The following NSF variants were observed in gnomAD, a reference collection of about 807,000 sequenced individuals.
NSF encodes the protein vesicle-fusing ATPase.
NSF carries 14 observed loss-of-function variants against 50.3 expected under a neutral mutation model. The ratio of observed to expected loss-of-function variants is 0.28; its 90% confidence interval spans 0.18 to 0.44. The LOEUF (loss-of-function observed/expected upper bound fraction) is 0.44, where lower values mean the gene tolerates loss of function less well. NSF is among the 20% of genes least tolerant of loss of function. The pLI is 1.00. For missense variants in NSF, 218 were observed against 504.3 expected, an observed-to-expected ratio of 0.43 and a Z score of 5.44; for synonymous variants, 109 against 175.7, an observed-to-expected ratio of 0.62 and a Z score of 3.00.
At chr17:46,718,171 A>C (rs529889141) in intron 15 of NSF, among the ~76,000 whole-genome samples, 1 of 152,228 alleles carries the variant, frequency 6.6e-6, no homozygotes, top group South Asian at 2.1e-4. Flanking sequence ...GTCTCCAGAG[A>C]ACCTTGGTGT....
chr17:46,755,977 C>A lies in NSF; in HGVS notation c.*154C>A. 1 of 681,330 alleles carries A rather than the reference C, an allele frequency of 1.5e-6. No individual in the cohort carries two copies. The highest frequency in any genetic ancestry group is 1.8e-5 in the African/African-American group (1 of 55,032). The allele number at this position is 681,330 out of a possible 1,614,324, so 42.2% of individuals were successfully genotyped here. On this transcript the variant is annotated 3_prime_UTR_variant, in exon 21 of 21. Transcript: ENST00000398238. ...CTGCATGATTAGTGCAATAAAACTC[C>A]CTTCCTTATGCATACTGAGATAGCT...
At chr17:46,601,402 A>AC (rs1387801868) in intron 1 of NSF, among the ~76,000 whole-genome samples, 2 of 52,162 alleles carry the variant, frequency 3.8e-5, no homozygotes, top group Non-Finnish European at 6.9e-5. Context: ...AGTTATAATT[A>AC]CCCTTTTTTT....
In NSF at chr17:46,745,693, G is replaced by A. The variant is rs1191643603; in HGVS notation, c.1909-4080G>A. 2.0e-5 allele frequency among the ~76,000 whole-genome samples: 3 copies of A among 152,318 alleles called. No individual in the cohort carries two copies. In the East Asian group the frequency reaches 5.8e-4, roughly 29 times the overall value. On this transcript the variant is annotated intron_variant, in intron 17 of 20. Coordinates refer to ENST00000398238, the MANE Select transcript of NSF (RefSeq NM_006178.4). ...TATGGAACATTAAAAAGCTAAAAAA[G>A]AGAAGTAACAGTTACCTTTAATCAT... is the stretch of plus-strand genomic sequence containing the variant.
chr17:46,685,424 TAAAG>T (rs1175347681), intron 9 of NSF, among the ~76,000 whole-genome samples: 2 of 151,804 alleles, frequency 1.3e-5, no homozygotes, highest in Non-Finnish European at 2.9e-5. Context: ...TGTTACATAA[TAAAG>T]AAAAACATCA....
At position 46,749,927 on chromosome 17, in the gene NSF, T is replaced by C. The variant is rs2059165420; in HGVS notation, c.2043+20T>C. The C allele has an allele frequency of 1.9e-6, 3 of 1,611,394 alleles. No individual in the cohort carries two copies. The highest frequency in any genetic ancestry group is 2.5e-6 in the Non-Finnish European group (3 of 1,178,684). ...TTGGAGGTAAAAATGAGTCAATGGA[T>C]TGCACACTGTTTATAAGAAAGGAAT... On this transcript the variant is annotated intron_variant, in intron 18 of 20. Transcript: ENST00000398238.
intron 19 of NSF, among the ~76,000 whole-genome samples, chr17:46,753,469 A>C (rs1183538666): frequency 6.6e-6 from 1 of 152,232 alleles, no homozygotes. Context: ...ATTATGAGCC[A>C]TAAATTAAAG....
At chr17:46,726,813 A>G (rs1046770865) in intron 16 of NSF, among the ~76,000 whole-genome samples, 198 bp downstream of exon 16, 1 of 152,234 alleles carries the variant, frequency 6.6e-6, no homozygotes, top group Non-Finnish European at 1.5e-5. Flanking sequence ...CCCTGTGACT[A>G]TAACACCATT....
chr17:46,738,910 T>C (rs909982179), intron 17 of NSF, among the ~76,000 whole-genome samples: 2 of 151,996 alleles, frequency 1.3e-5, no homozygotes, highest in African/African-American at 4.8e-5. Flanking sequence ...TAGACCAGCC[T>C]GGGCAATATG....
chr17:46,716,152 AAACC>A (rs1415046182), intron 15 of NSF, among the ~76,000 whole-genome samples: 1 of 152,222 alleles, frequency 6.6e-6, no homozygotes, highest in Non-Finnish European at 1.5e-5. Context: ...CTGAGGGGTC[AAACC>A]AGTCTAAAGA....
intron 15 of NSF, among the ~76,000 whole-genome samples, chr17:46,718,299 C>T (rs1208508808): frequency 6.6e-6 from 1 of 152,116 alleles, no homozygotes; most frequent in African/African-American, 2.4e-5. Flanking sequence ...ACTGGCCATG[C>T]CGGGCCAGCC....
intron 15 of NSF, among the ~76,000 whole-genome samples, chr17:46,723,212 C>T (rs180815786): frequency 4.1e-4 from 63 of 152,320 alleles, no homozygotes; most frequent in African/African-American, 1.4e-3. Context: ...CTACTGCAAC[C>T]AGCCAGGCTG....
chr17:46,741,626 C>G (rs1763210228), intron 17 of NSF, among the ~76,000 whole-genome samples: 1 of 151,966 alleles, frequency 6.6e-6, no homozygotes, highest in Admixed American at 6.6e-5. Context: ...GGCATTTAAA[C>G]AAGAGAAATC....
At chr17:46,609,827 CTTT>C (rs147645851) in intron 1 of NSF, among the ~76,000 whole-genome samples, 6 of 123,304 alleles carry the variant, frequency 4.9e-5, no homozygotes, top group Admixed American at 1.7e-4. Context: ...CTCACTGTTT[CTTT>C]TTTTTTTTTT....
Position 46,755,952 on chromosome 17 carries a change from C to T in NSF, c.*129C>T, listed in dbSNP as rs1306171550. The T allele has an allele frequency of 3.6e-6, 3 of 840,620 alleles. No homozygotes were observed. Among genetic ancestry groups the T allele is most frequent in the African/African-American group, 3.4e-5 (2 of 58,524 alleles). The allele number at this position is 840,620 out of a possible 1,614,324, so 52.1% of individuals were successfully genotyped here. On this transcript the variant is annotated 3_prime_UTR_variant, in exon 21 of 21. Transcript: ENST00000398238. ...TCTCTACCTTCAACATGTGCTCGCT[C>T]TGCATGATTAGTGCAATAAAACTCC...
At chr17:46,707,353 C>CT (rs796572830) in intron 13 of NSF, among the ~76,000 whole-genome samples, 1 of 152,096 alleles carries the variant, frequency 6.6e-6, no homozygotes, top group African/African-American at 2.4e-5. Context: ...TTTATATACT[C>CT]TTTTTTTCTC....
intron 17 of NSF, among the ~76,000 whole-genome samples, chr17:46,741,944 C>T (rs561735560): frequency 6.6e-6 from 1 of 152,234 alleles, no homozygotes; most frequent in South Asian, 2.1e-4. Context: ...TTAGTAGAGA[C>T]AGCATTTCAC....
At chr17:46,718,119 G>A (rs890627122) in intron 15 of NSF, among the ~76,000 whole-genome samples, 6 of 152,302 alleles carry the variant, frequency 3.9e-5, no homozygotes, top group Non-Finnish European at 7.4e-5. Flanking sequence ...ACTGACAGCT[G>A]GTCCTGAGGG....
chr17:46,732,855 G>A (rs1002336175), intron 17 of NSF, among the ~76,000 whole-genome samples: 3 of 152,154 alleles, frequency 2.0e-5, no homozygotes, highest in African/African-American at 4.8e-5. Context: ...CCGGAAAAAA[G>A]GGCTTCTCTG....
chr17:46,753,670 T>TC (rs1474895356), intron 19 of NSF, among the ~76,000 whole-genome samples: 1 of 152,200 alleles, frequency 6.6e-6, no homozygotes, highest in African/African-American at 2.4e-5. Context: ...CTCATCCCTT[T>TC]CCCTTCCTTT....
Sources: gnomAD v4.1 joint callset for allele counts (sites outside exome capture counted in the v4.1 genomes callset) on GRCh38, gnomAD v4.1.1 for gene constraint, MANE v1.5 for transcripts, NCBI Gene and HGNC (gene_info 2026-07-23, HGNC 2026-07-21) for gene names.